The following CALD1 variants were observed in gnomAD, a reference collection of about 807,000 sequenced individuals.
CALD1 encodes the protein caldesmon 1, also known as caldesmon.
Under a neutral mutation model 99.9 loss-of-function variants are expected in CALD1, and 33 were observed. The ratio of observed to expected loss-of-function variants is 0.33; its 90% CI spans 0.25 to 0.44. The LOEUF is 0.44. CALD1 is among the 20% of genes least tolerant of loss of function. The pLI is 1.00. For missense variants in CALD1, 861 were observed against 962.1 expected (o/e 0.89, Z 1.39); for synonymous variants, 310 against 325.0 (o/e 0.95, Z 0.50).
At chr7:134,919,819 A>G (rs73728006) in intron 3 of CALD1, among the ~76,000 whole-genome samples, 4,175 of 152,306 alleles carry the variant, frequency 0.027, 176 homozygotes, top group African/African-American at 0.095. Context: ...CTTCTAAACC[A>G]AGAGGGCTTT....
chr7:134,820,824 A>G (rs1798745326), intron 1 of CALD1, among the ~76,000 whole-genome samples: 1 of 152,224 alleles, frequency 6.6e-6, no homozygotes, highest in Non-Finnish European at 1.5e-5. Context: ...GTTGACTTCA[A>G]AATATATATT....
At chr7:134,940,332 G>T (rs1400549636) in intron 6 of CALD1, among the ~76,000 whole-genome samples, 1 of 152,052 alleles carries the variant, frequency 6.6e-6, no homozygotes, top group Non-Finnish European at 1.5e-5. Flanking sequence ...AAATATGAAA[G>T]CTAACACCTG....
At chr7:134,823,726 T>C (rs573683083) in intron 1 of CALD1, among the ~76,000 whole-genome samples, 19 of 152,222 alleles carry the variant, frequency 1.2e-4, no homozygotes, top group Non-Finnish European at 2.1e-4. Context: ...TTCTGGAATA[T>C]GGAGCCTTTG....
intron 1 of CALD1, among the ~76,000 whole-genome samples, chr7:134,796,248 T>C (rs1332592076): frequency 6.6e-6 from 1 of 152,242 alleles, no homozygotes; most frequent in Non-Finnish European, 1.5e-5. Context: ...AATGGCCTCC[T>C]TGTGCCTCGG....
chr7:134,883,954 T>C (rs567925452), intron 3 of CALD1, among the ~76,000 whole-genome samples: 25 of 152,176 alleles, frequency 1.6e-4, no homozygotes, highest in Non-Finnish European at 3.2e-4. Context: ...AATACAAAAT[T>C]AGCCGGGCAT....
intron 3 of CALD1, among the ~76,000 whole-genome samples, chr7:134,908,018 G>C (rs1048293624): frequency 3.3e-5 from 5 of 152,298 alleles, no homozygotes; most frequent in African/African-American, 4.8e-5. Context: ...CTGTAGAACA[G>C]ACTGCTAAGA....
the CALD1 span, among the ~76,000 whole-genome samples, chr7:134,724,060 G>C: frequency 6.6e-6 from 1 of 152,158 alleles, no homozygotes; most frequent in Admixed American, 6.5e-5. Flanking sequence ...TTTGCTATGC[G>C]GCAGCAGGAG....
intron 3 of CALD1, among the ~76,000 whole-genome samples, chr7:134,892,428 G>C (rs1174018897): frequency 2.0e-5 from 3 of 152,220 alleles, no homozygotes; most frequent in African/African-American, 7.2e-5. Context: ...TGGGTCTTGG[G>C]AAAAGGTACC....
At chr7:134,875,076 T>C (rs1451365453) in intron 3 of CALD1, among the ~76,000 whole-genome samples, 1 of 152,262 alleles carries the variant, frequency 6.6e-6, no homozygotes, top group Non-Finnish European at 1.5e-5. Context: ...AAATACGATA[T>C]TCCTTTGAAA....
intron 2 of CALD1, among the ~76,000 whole-genome samples, chr7:134,845,946 T>G (rs1361294739): frequency 6.6e-6 from 1 of 152,246 alleles, no homozygotes; most frequent in Non-Finnish European, 1.5e-5. Context: ...TCCTTCTCTG[T>G]CCTGTCTTTT....
chr7:134,943,960 T>C (rs1806657566), intron 7 of CALD1, among the ~76,000 whole-genome samples: 1 of 152,232 alleles, frequency 6.6e-6, no homozygotes. Flanking sequence ...ATGACGGACA[T>C]TTTGATTGTC....
chr7:134,965,853 T>A (rs28569304), intron 14 of CALD1, among the ~76,000 whole-genome samples: 14,803 of 90,498 alleles, frequency 0.16, 999 homozygotes, highest in Middle Eastern at 0.34. Context: ...AAAAAAAAAA[T>A]ATTCAAAAGT....
intron 1 of CALD1, among the ~76,000 whole-genome samples, chr7:134,781,087 T>C (rs1014436223): frequency 6.6e-6 from 1 of 152,236 alleles, no homozygotes; most frequent in Non-Finnish European, 1.5e-5. Flanking sequence ...ACAGAATTCC[T>C]TGTGAATTTC....
intron 6 of CALD1, among the ~76,000 whole-genome samples, chr7:134,940,269 A>G (rs1806326126): frequency 6.6e-6 from 1 of 152,222 alleles, no homozygotes; most frequent in Admixed American, 6.5e-5. Context: ...ATGTAAATTC[A>G]GTATACTTTT....
In CALD1 at chr7:134,933,022, A is replaced by C; in HGVS notation, c.253A>C (p.Asn85His). The C allele has an allele frequency of 6.2e-7, 1 of 1,612,734 alleles. No homozygotes were observed. The highest frequency in any genetic ancestry group is 8.5e-7 in the Non-Finnish European group (1 of 1,179,474). The part of the protein sequence containing the change: ...PDEEAKTTTT[N>H]TQVEGDDEAA... ...CGAGGAGGCCAAGACAACCACCACA[A>C]ACACTCAAGTGGAAGGGGATGATGA... Residue 85 changes from asparagine (N) to histidine (H), a missense_variant, in exon 5 of 15, where the codon AAC becomes CAC. This residue lies in a region of CALD1 where 123 missense variants were observed against 169.8 expected (regional missense o/e 0.72). Coordinates refer to ENST00000361675, the MANE Select transcript of CALD1 (RefSeq NM_033138.4).
At chr7:134,835,925 C>T (rs1157290767) in intron 1 of CALD1, among the ~76,000 whole-genome samples, 1 of 152,028 alleles carries the variant, frequency 6.6e-6, no homozygotes, top group Admixed American at 6.6e-5. Flanking sequence ...TCAGGCGGAT[C>T]ACCTGAGTTA....
At chr7:134,854,204 T>G (rs997840577) in intron 2 of CALD1, among the ~76,000 whole-genome samples, 1 of 152,172 alleles carries the variant, frequency 6.6e-6, no homozygotes, top group Admixed American at 6.5e-5. Context: ...GTAGAATGAT[T>G]TATAATCCTT....
chr7:134,798,754 T>A (rs1476053775), intron 1 of CALD1, among the ~76,000 whole-genome samples: 1 of 152,224 alleles, frequency 6.6e-6, no homozygotes, highest in Non-Finnish European at 1.5e-5. Flanking sequence ...TTCTTTGAAA[T>A]ACGAGTTACC....
upstream of CALD1, among the ~76,000 whole-genome samples, chr7:134,777,306 A>G (rs1796926142): frequency 6.6e-6 from 1 of 152,210 alleles, no homozygotes; most frequent in African/African-American, 2.4e-5. Context: ...TGTATTTCAA[A>G]TACATAAAAT....
Sources: gnomAD v4.1 joint callset for allele counts (sites outside exome capture counted in the v4.1 genomes callset) on GRCh38, gnomAD v4.1.1 for gene constraint, gnomAD v4.1.1 regional missense constraint, MANE v1.5 for transcripts, NCBI Gene and HGNC (gene_info 2026-07-23, HGNC 2026-07-21) for gene names.